The following TMED3 variants were observed in gnomAD, a reference collection of about 807,000 sequenced individuals.
The protein encoded by TMED3 is transmembrane p24 trafficking protein 3, also known as transmembrane emp24 domain-containing protein 3.
TMED3 carries 9 observed loss-of-function variants against 15.0 expected under a neutral mutation model. The ratio of observed to expected loss-of-function variants is 0.60; its 90% CI spans 0.36 to 1.04. The LOEUF (loss-of-function observed/expected upper bound fraction) is 1.04. Ranked by LOEUF, TMED3 falls within the 50% of genes least tolerant of loss-of-function variation. The pLI, the probability that TMED3 is intolerant of heterozygous loss-of-function variation, is 0.01. For synonymous variants in TMED3, 117 were observed against 121.4 expected (o/e 0.96, Z 0.24); for missense variants, 267 against 278.9 (o/e 0.96, Z 0.30).
At chr15:79,403,284 G>A (rs1893860187) in intron 2 of TMED3, among the ~76,000 whole-genome samples, 1 of 137,148 alleles carries the variant, frequency 7.3e-6, no homozygotes, top group East Asian at 2.1e-4. Flanking sequence ...AGCAGAACAA[G>A]CTACAGTCCT....
intron 2 of TMED3, among the ~76,000 whole-genome samples, chr15:79,344,810 C>T (rs2058863310): frequency 2.6e-5 from 4 of 152,106 alleles, no homozygotes; most frequent in Admixed American, 2.6e-4. Flanking sequence ...ACATTGGAGG[C>T]AAAGACTTCA....
chr15:79,351,717 C>T (rs1473782252), intron 2 of TMED3, among the ~76,000 whole-genome samples: 1 of 152,122 alleles, frequency 6.6e-6, no homozygotes, highest in Non-Finnish European at 1.5e-5. Flanking sequence ...AGTAATCCTA[C>T]TCTGGGGCAT....
chr15:79,348,964 C>A (rs2058881242), intron 2 of TMED3, among the ~76,000 whole-genome samples: 1 of 152,146 alleles, frequency 6.6e-6, no homozygotes, highest in South Asian at 2.1e-4. Context: ...CCCCCACCCC[C>A]AGTAGATGGC....
At chr15:79,341,281 A>T (rs148452404) in intron 2 of TMED3, among the ~76,000 whole-genome samples, 2 of 149,874 alleles carry the variant, frequency 1.3e-5, no homozygotes, top group African/African-American at 4.9e-5. Flanking sequence ...GCATGAGCAG[A>T]GGCACAGAGT....
intron 2 of TMED3, among the ~76,000 whole-genome samples, chr15:79,339,912 A>G (rs4778694): frequency 0.99 from 150,060 of 151,990 alleles, 74,098 homozygotes; most frequent in Middle Eastern, 1. Flanking sequence ...TAGGATGGTG[A>G]TGGTGGTGGA....
intron 2 of TMED3, among the ~76,000 whole-genome samples, chr15:79,340,881 T>C (rs77514181): frequency 6.6e-6 from 1 of 152,082 alleles, no homozygotes; most frequent in African/African-American, 2.4e-5. Context: ...GTGTGGCCAA[T>C]TGAGTGAGAG....
At chr15:79,312,434 C>A (rs943276354) in intron 1 of TMED3, among the ~76,000 whole-genome samples, 1 of 152,168 alleles carries the variant, frequency 6.6e-6, no homozygotes, top group Admixed American at 6.5e-5. Flanking sequence ...CAGATGTCAT[C>A]TGGTCACTGC....
intron 2 of TMED3, among the ~76,000 whole-genome samples, chr15:79,377,689 C>T (rs889707667): frequency 4.7e-5 from 7 of 149,854 alleles, no homozygotes; most frequent in African/African-American, 1.5e-4. Context: ...GCTCTTTCGC[C>T]CAGGCCAGAC....
At chr15:79,322,937 T>G, downstream of TMED3, 1 of 969,382 alleles carries the variant, frequency 1.0e-6, no homozygotes, top group Non-Finnish European at 1.2e-6. Context: ...TGACATAGAG[T>G]ACCTAGAGAG....
chr15:79,337,734 ACT>A (rs2058832350), intron 2 of TMED3, among the ~76,000 whole-genome samples: 1 of 152,092 alleles, frequency 6.6e-6, no homozygotes, highest in Non-Finnish European at 1.5e-5. Context: ...TCAAATCCTG[ACT>A]CTGCTCCTGG....
chr15:79,339,165 CCT>C (rs766792149), intron 2 of TMED3, among the ~76,000 whole-genome samples: 160 of 148,768 alleles, frequency 1.1e-3, no homozygotes, highest in Admixed American at 1.2e-3. Flanking sequence ...CTCTTTGTCT[CCT>C]CTCTCTCTCT....
intron 2 of TMED3, among the ~76,000 whole-genome samples, chr15:79,351,653 G>A (rs2058891454): frequency 1.3e-5 from 2 of 152,118 alleles, no homozygotes; most frequent in South Asian, 4.1e-4. Context: ...AACCACTATG[G>A]AAAGCAGTGT....
At chr15:79,398,788 G>A (rs1893796201) in intron 2 of TMED3, among the ~76,000 whole-genome samples, 2 of 143,792 alleles carry the variant, frequency 1.4e-5, no homozygotes, top group South Asian at 4.3e-4. Context: ...AGCATCCCAT[G>A]GCCCAGGCAA....
intron 2 of TMED3, among the ~76,000 whole-genome samples, chr15:79,404,677 G>T (rs928220059): frequency 6.6e-6 from 1 of 152,106 alleles, no homozygotes; most frequent in African/African-American, 2.4e-5. Context: ...TTACCAATCA[G>T]CCAAAACATT....
At chr15:79,328,203 G>GCTCC (rs2058794152) in intron 2 of TMED3, among the ~76,000 whole-genome samples, 6 of 152,162 alleles carry the variant, frequency 3.9e-5, no homozygotes, top group Non-Finnish European at 4.4e-5. Flanking sequence ...GAGCCAGTGG[G>GCTCC]TTGTATGATA....
At chr15:79,342,496 A>G (rs750224616) in intron 2 of TMED3, among the ~76,000 whole-genome samples, 6 of 152,216 alleles carry the variant, frequency 3.9e-5, no homozygotes, top group Non-Finnish European at 8.8e-5. Flanking sequence ...AAAAATTTAA[A>G]TGCTAGAGGA....
chr15:79,317,128 C>T (rs1027993042), intron 2 of TMED3, among the ~76,000 whole-genome samples: 7 of 152,266 alleles, frequency 4.6e-5, no homozygotes, highest in South Asian at 2.1e-4. Flanking sequence ...CCTGTTGCTC[C>T]GTTACCCTCT....
chr15:79,314,433 G>A (rs2058731917), intron 2 of TMED3: 1 of 417,768 alleles, frequency 2.4e-6, no homozygotes, highest in East Asian at 7.3e-5. Flanking sequence ...CAGAATAGAA[G>A]TTTATTCTCA....
chr15:79,354,009 T>C (rs575567518), intron 2 of TMED3, among the ~76,000 whole-genome samples: 3 of 152,292 alleles, frequency 2.0e-5, no homozygotes, highest in South Asian at 4.1e-4. Flanking sequence ...ATGCAACAGA[T>C]TGTGGACTGA....
Sources: allele counts gnomAD v4.1 joint callset (sites outside exome capture counted in the v4.1 genomes callset), GRCh38; gene constraint gnomAD v4.1.1; transcripts MANE v1.5; gene names NCBI Gene and HGNC (gene_info 2026-07-23, HGNC 2026-07-21).